Variants in ANXA8L1 observed in about 807,000 individuals in gnomAD.
ANXA8L1 encodes the protein annexin A8 like 1, also known as annexin A8-like protein 1.
In ANXA8L1, 10 loss-of-function variants were observed where a neutral mutation model predicts 22.5. That is an observed-to-expected ratio of 0.44 (90% CI 0.27 to 0.75). The LOEUF is 0.75. ANXA8L1 is among the 30% of genes least tolerant of loss of function. The pLI, the probability that ANXA8L1 is intolerant of heterozygous loss-of-function variation, is 0.15. For missense variants in ANXA8L1, 88 were observed against 219.6 expected (o/e 0.40, Z 3.79); for synonymous variants, 36 against 86.0 (o/e 0.42, Z 3.22).
At chr10:46,375,964 T>C in intron 1 of ANXA8L1, 92 bp downstream of exon 1, 3 of 1,229,274 alleles carry the variant, frequency 2.4e-6, no homozygotes, top group East Asian at 2.3e-5. Flanking sequence ...CGCCCTTGGC[T>C]GGGAGTGGCT....
chr10:46,383,484 T>C lies in ANXA8L1; in HGVS notation c.350T>C (p.Ile117Thr). 3.3e-6 allele frequency: 3 copies of C among 912,894 alleles called. No individual in the cohort carries two copies. Among genetic ancestry groups the C allele is most frequent in the Non-Finnish European group, 4.7e-6 (3 of 632,046 alleles). The allele number at this position is 912,894 out of a possible 1,614,324, so 56.5% of individuals were successfully genotyped here. Reference sequence around the variant, plus strand: ...TTAGGAACCAAGGAGGGTGTCATCATTGAGATCCTGGCCTCTCGGACCAAG... The same window carrying C: ...TTAGGAACCAAGGAGGGTGTCATCACTGAGATCCTGGCCTCTCGGACCAAG... The part of the protein sequence containing the change: ...KGLGTKEGVI[I>T]EILASRTKNQ... Residue 117 changes from isoleucine (I) to threonine (T), a missense_variant, in exon 5 of 12, where the codon ATT becomes ACT. By Grantham distance (89) the Ile-to-Thr change is moderately conservative. Transcript: ENST00000619162.
intron 7 of ANXA8L1, 113 bp from the exon 8 acceptor site, chr10:46,385,267 G>A: frequency 4.5e-6 from 2 of 445,432 alleles, no homozygotes; most frequent in South Asian, 2.1e-5. Context: ...GGAGCATGCT[G>A]GCCTGGCAGA....
At chr10:46,378,978 C>T (rs1192823297) in intron 1 of ANXA8L1, among the ~76,000 whole-genome samples, 1 of 140,836 alleles carries the variant, frequency 7.1e-6, no homozygotes, top group Non-Finnish European at 1.5e-5. Context: ...TGGGTAAGTG[C>T]GTAGGTGGGA....
rs1482290893 is a variant in ANXA8L1 at position 46,384,729 on chromosome 10, C to G, written c.493-45C>G. The G allele has an allele frequency of 1.2e-4, 197 of 1,612,690 alleles. 1 individual carries two copies. Among genetic ancestry groups the G allele is most frequent in the Non-Finnish European group, 1.6e-4 (190 of 1,179,710 alleles). ...GGATCCCCCCTGTGCCCTTAATGCT[C>G]TGGTCAGCTGGCCTGCCTTACAGAG... On this transcript the variant is annotated intron_variant, in intron 6 of 11. Transcript: ENST00000619162.
At chr10:46,384,705 G>T (rs1368909117) in intron 6 of ANXA8L1, 69 bp from the exon 7 acceptor site, 26 of 1,611,668 alleles carry the variant, frequency 1.6e-5, no homozygotes, top group Non-Finnish European at 2.1e-5. Context: ...CCAAGCCCAG[G>T]ATCCCCCCTG....
chr10:46,384,415 A>C, intron 6 of ANXA8L1, 130 bp downstream of exon 6: 1 of 408,414 alleles, frequency 2.4e-6, no homozygotes, highest in Non-Finnish European at 4.1e-6. Flanking sequence ...GCCAGGGCTC[A>C]TTGGGTGTGT....
intron 1 of ANXA8L1, among the ~76,000 whole-genome samples, chr10:46,378,569 G>C: frequency 1.1e-5 from 1 of 87,664 alleles, no homozygotes; most frequent in Middle Eastern, 4.3e-3. Context: ...CAAGGGGCTT[G>C]AAGTGCTAAC....
chr10:46,377,809 G>A (rs1839947151), intron 1 of ANXA8L1, among the ~76,000 whole-genome samples: 1 of 122,244 alleles, frequency 8.2e-6, no homozygotes. Flanking sequence ...CGTAGCAGGG[G>A]AAGGCCAAGG....
Position 46,375,881 on chromosome 10 carries a change from G to A in ANXA8L1, c.21+9G>A, listed in dbSNP as rs1276135404. On this transcript the variant is annotated intron_variant, in intron 1 of 11. Transcript: ENST00000619162. ...CCTGGTGGAAAGCCTGGGTAAGTGG[G>A]AGCTGGCAGGAGATTTGCGTTCCTG... 8 of 1,337,800 alleles carry A rather than the reference G, an allele frequency of 6.0e-6. 2 individuals carry two copies. The highest frequency in any genetic ancestry group is 8.4e-6 in the Non-Finnish European group (8 of 956,852). 82.9% of individuals were successfully genotyped at this position (1,337,800 alleles called of 1,614,324 possible).
chr10:46,383,276 C>T (rs1316956852), intron 4 of ANXA8L1, among the ~76,000 whole-genome samples, 180 bp from the exon 5 acceptor site: 1 of 151,176 alleles, frequency 6.6e-6, no homozygotes, highest in East Asian at 1.9e-4. Flanking sequence ...CGTCACAGCA[C>T]TTGCCCTCAA....
Position 46,390,223 on chromosome 10 carries a change from G to A in ANXA8L1, c.925-648G>A, listed in dbSNP as rs189073312. Among the ~76,000 whole-genome samples, 426 of 150,620 alleles carry A rather than the reference G, an allele frequency of 2.8e-3. 6 individuals carry two copies. The East Asian group carries it at 0.04, about 14-fold the overall frequency. On this transcript the variant is annotated intron_variant, in intron 11 of 11. Transcript: ENST00000619162. ...TAAGAAACAGGGCTCCTCAGTCATC[G>A]GACCACAAGGTCAGTCTCATCAGGA...
intron 4 of ANXA8L1, among the ~76,000 whole-genome samples, 195 bp from the exon 5 acceptor site, chr10:46,383,261 T>C (rs1839998228): frequency 1.3e-5 from 2 of 150,656 alleles, no homozygotes; most frequent in South Asian, 4.2e-4. Flanking sequence ...GAGACAGGGC[T>C]TCCCCGTCAC....
At position 46,390,826 on chromosome 10, in the gene ANXA8L1, G is replaced by A. The variant is rs201179212; in HGVS notation, c.925-45G>A. On this transcript the variant is annotated intron_variant, in intron 11 of 11. Transcript: ENST00000619162. ...AACACAGCCGCCACTGCCGAGCCAGGCACAAACAAACCCCTTCTCACGCTT... is the reference window on the plus strand; with the variant it reads ...AACACAGCCGCCACTGCCGAGCCAGACACAAACAAACCCCTTCTCACGCTT... 179 of 1,095,170 alleles carry A rather than the reference G, an allele frequency of 1.6e-4. 3 individuals carry two copies. The African/African-American group carries it at 3.9e-3, about 24-fold the overall frequency. The allele number at this position is 1,095,170 out of a possible 1,614,324, so 67.8% of individuals were successfully genotyped here. A position where few individuals can be genotyped will look rare whatever the true frequency, so the allele number is the denominator to read the frequency against.
chr10:46,384,212 G>GTCCT lies in ANXA8L1; in HGVS notation c.419_420insTCCT (p.Ser141ProfsTer30). On this transcript the variant is annotated frameshift_variant, in exon 6 of 12. Coordinates refer to ENST00000619162, the MANE Select transcript of ANXA8L1 (RefSeq NM_001098845.3). LOFTEE classifies it high-confidence loss of function. ...TGGTCCTGTTTCCCTGCAGACTATG[G>GTCCT]GTCCAGCCTGGAGGAGGACATCCAA... is the stretch of plus-strand genomic sequence containing the variant. 7 of 492,524 alleles carry GTCCT rather than the reference G, an allele frequency of 1.4e-5. No individual in the cohort carries two copies. The highest frequency in any genetic ancestry group is 1.4e-4 in the South Asian group (7 of 50,568). The allele number at this position is 492,524 out of a possible 1,614,324, so 30.5% of individuals were successfully genotyped here. A position where few individuals can be genotyped will look rare whatever the true frequency, so the allele number is the denominator to read the frequency against.
At chr10:46,376,607 C>T (rs1183110658) in intron 1 of ANXA8L1, among the ~76,000 whole-genome samples, 8 of 147,852 alleles carry the variant, frequency 5.4e-5, no homozygotes, top group African/African-American at 1.0e-4. Context: ...TGGAGGAACC[C>T]GGGGCTCAGG....
rs1343456532 is a variant in ANXA8L1 at position 46,383,313 on chromosome 10, AT to A, written c.322-139del. 147 of 1,536,444 alleles carry A rather than the reference AT, an allele frequency of 9.6e-5. 4 individuals are homozygous for A. In the African/African-American group the frequency reaches 1.1e-3, roughly 11 times the overall value. On this transcript the variant is annotated intron_variant, in intron 4 of 11. Transcript: ENST00000619162. ...GTTCATCACTGAAGACAAGCATGTGATTTTCTCATCACATCCTCCCACTTCA... is the reference window on the plus strand; with the variant it reads ...GTTCATCACTGAAGACAAGCATGTGATTTCTCATCACATCCTCCCACTTCA...
intron 4 of ANXA8L1, 128 bp from the exon 5 acceptor site, chr10:46,383,328 C>T: frequency 1.4e-6 from 2 of 1,473,504 alleles, no homozygotes; most frequent in South Asian, 1.2e-5. Context: ...CTCATCACAT[C>T]CTCCCACTTC....
chr10:46,389,950 G>A (rs1417316866), intron 11 of ANXA8L1, among the ~76,000 whole-genome samples: 2 of 151,548 alleles, frequency 1.3e-5, no homozygotes, highest in African/African-American at 4.9e-5. Context: ...CTCAAAGCAG[G>A]CAAATTTTAC....
chr10:46,382,619 T>TTG lies in ANXA8L1; in HGVS notation c.249_250dup (p.Glu84ValfsTer24). ...TTGAAGTCTGAGCTCAGTGGCAAGT[T>TTG]TGAGAGGCTCATTGTGGCCCTTATG... is the stretch of plus-strand genomic sequence containing the variant. On this transcript the variant is annotated frameshift_variant, in exon 4 of 12. Coordinates refer to ENST00000619162, the MANE Select transcript of ANXA8L1 (RefSeq NM_001098845.3). LOFTEE classifies it high-confidence loss of function. 7.8e-7 allele frequency: 1 copy of TTG among 1,289,706 alleles called. No homozygotes were observed. Among genetic ancestry groups the TTG allele is most frequent in the Non-Finnish European group, 1.1e-6 (1 of 948,940 alleles). 79.9% of individuals were successfully genotyped at this position (1,289,706 alleles called of 1,614,324 possible).
Sources: allele counts gnomAD v4.1 joint callset (sites outside exome capture counted in the v4.1 genomes callset), GRCh38; gene constraint gnomAD v4.1.1; transcripts MANE v1.5; gene names NCBI Gene and HGNC (gene_info 2026-07-23, HGNC 2026-07-21).